Variants in YME1L1 observed in about 807,000 individuals in gnomAD.
YME1L1 encodes the protein ATP-dependent zinc metalloprotease YME1L1.
A neutral mutation model predicts 90.4 loss-of-function variants in YME1L1; 39 were observed. The ratio of observed to expected loss-of-function variants is 0.43; its 90% CI spans 0.33 to 0.56. The LOEUF is 0.56. Among genes scored for constraint, YME1L1 ranks in the 20% least tolerant of loss-of-function variants. The pLI is 0.03. For synonymous variants in YME1L1, 284 were observed against 287.3 expected, an observed-to-expected ratio of 0.99 and a Z score of 0.12; for missense variants, 617 against 868.4, an observed-to-expected ratio of 0.71 and a Z score of 3.64.
At chr10:27,147,494 G>GTA in intron 2 of YME1L1, 1 of 1,613,792 alleles carries the variant, frequency 6.2e-7, no homozygotes, top group South Asian at 1.1e-5. Flanking sequence ...AACCCGCAGT[G>GTA]TACAGGGATT....
intron 2 of YME1L1, chr10:27,147,731 A>G: frequency 6.5e-7 from 1 of 1,543,442 alleles, no homozygotes; most frequent in Non-Finnish European, 8.8e-7. Context: ...TCCTGTCTGT[A>G]ACACCCGTGG....
chr10:27,118,715 T>C (rs1189830411), intron 14 of YME1L1, among the ~76,000 whole-genome samples: 3 of 152,196 alleles, frequency 2.0e-5, no homozygotes, highest in Admixed American at 6.5e-5. Flanking sequence ...TCTATTTCTA[T>C]AAAATAAACT....
At chr10:27,147,491 A>G (rs1333207388) in intron 2 of YME1L1, 2 of 1,613,818 alleles carry the variant, frequency 1.2e-6, no homozygotes, top group Non-Finnish European at 8.5e-7. Context: ...AGAAACCCGC[A>G]GTGTACAGGG....
At chr10:27,147,734 AC>A in intron 2 of YME1L1, 8 of 1,541,106 alleles carry the variant, frequency 5.2e-6, no homozygotes, top group Non-Finnish European at 7.0e-6. Flanking sequence ...TGTCTGTAAC[AC>A]CCGTGGTTTC....
At chr10:27,137,950 T>C (rs1448273507) in intron 4 of YME1L1, among the ~76,000 whole-genome samples, 1 of 152,148 alleles carries the variant, frequency 6.6e-6, no homozygotes, top group South Asian at 2.1e-4. Flanking sequence ...TTTAACTTGA[T>C]TAGAGTTTCA....
chr10:27,143,001 G>A (rs1659613109), intron 3 of YME1L1, among the ~76,000 whole-genome samples: 1 of 152,106 alleles, frequency 6.6e-6, no homozygotes, highest in South Asian at 2.1e-4. Flanking sequence ...ACAGGCGTGA[G>A]CCACTGTGCC....
chr10:27,152,909 T>G (rs2057240402), intron 1 of YME1L1, among the ~76,000 whole-genome samples: 1 of 152,104 alleles, frequency 6.6e-6, no homozygotes, highest in Admixed American at 6.5e-5. Flanking sequence ...AAAATGAAAA[T>G]CTAATCATGT....
At chr10:27,153,887 C>CCGGA (rs2057269487) in intron 1 of YME1L1, among the ~76,000 whole-genome samples, 1 of 152,116 alleles carries the variant, frequency 6.6e-6, no homozygotes, top group Non-Finnish European at 1.5e-5. Context: ...CTGAACAATG[C>CCGGA]CGGACGGATT....
chr10:27,145,643 C>A (rs2057136736), intron 2 of YME1L1, 53 bp from the exon 3 acceptor site: 1 of 1,440,990 alleles, frequency 6.9e-7, no homozygotes, highest in Non-Finnish European at 9.5e-7. Flanking sequence ...AGATATTTAA[C>A]CTAAGGAGTA....
intron 1 of YME1L1, 120 bp from the exon 2 acceptor site, chr10:27,149,160 A>G (rs983918820): frequency 9.4e-5 from 78 of 831,184 alleles, no homozygotes; most frequent in Non-Finnish European, 1.2e-4. Context: ...TCTGTATACT[A>G]AAAACTGTAA....
intron 5 of YME1L1, 130 bp downstream of exon 5, chr10:27,136,146 A>C: frequency 1.4e-6 from 1 of 738,650 alleles, no homozygotes; most frequent in Non-Finnish European, 2.2e-6. Context: ...TACACAGGTT[A>C]CTAATCCCTT....
intron 4 of YME1L1, among the ~76,000 whole-genome samples, chr10:27,137,262 T>C (rs1457325705): frequency 3.3e-5 from 5 of 152,222 alleles, no homozygotes; most frequent in African/African-American, 1.2e-4. Flanking sequence ...CTAGAAATAG[T>C]ACCTAATTTT....
chr10:27,124,361 T>C (rs1057007341), intron 9 of YME1L1, among the ~76,000 whole-genome samples: 1 of 152,198 alleles, frequency 6.6e-6, no homozygotes, highest in Non-Finnish European at 1.5e-5. Flanking sequence ...GGATGTTAAT[T>C]GTACTGTTCT....
At chr10:27,151,970 C>G (rs542425099) in intron 1 of YME1L1, among the ~76,000 whole-genome samples, 2 of 151,922 alleles carry the variant, frequency 1.3e-5, no homozygotes, top group East Asian at 3.9e-4. Context: ...GTCTAAGATA[C>G]GTATCCCTGA....
chr10:27,142,349 TA>T (rs1384222154), intron 4 of YME1L1, 37 bp downstream of exon 4: 3 of 1,175,046 alleles, frequency 2.6e-6, no homozygotes, highest in East Asian at 2.7e-5. Context: ...AGTAAATAAA[TA>T]TTTTTTTTTC....
Position 27,121,402 on chromosome 10 carries a change from G to C in YME1L1, c.1282C>G (p.Pro428Ala). The C allele has an allele frequency of 1.9e-6, 3 of 1,606,298 alleles. No individual in the cohort carries two copies. The South Asian group carries it at 3.3e-5, about 18-fold the overall frequency. Residue 428 changes from proline (P) to alanine (A), a missense_variant, in exon 12 of 19, where the codon CCA becomes GCA. This residue lies in a region of YME1L1 where 93 missense variants were observed against 184.8 expected (regional missense o/e 0.50). Transcript: ENST00000376016. Reference sequence around the variant, plus strand: ...AATACTTACTTATCTAATGCCTCTGGGAAGTTTGTGGCTCCTATTATGATA... The same window carrying C: ...AATACTTACTTATCTAATGCCTCTGCGAAGTTTGTGGCTCCTATTATGATA... ...GVIIIGATNF[P>A]EALDNALIRP... is the part of the protein sequence containing the mutation.
At chr10:27,127,702 G>T (rs1046516364) in intron 8 of YME1L1, among the ~76,000 whole-genome samples, 2 of 152,152 alleles carry the variant, frequency 1.3e-5, no homozygotes, top group Non-Finnish European at 2.9e-5. Context: ...ACAGGAAATT[G>T]TCCCTAGGTT....
chr10:27,128,863 C>A (rs1426935994), intron 8 of YME1L1, among the ~76,000 whole-genome samples: 5 of 151,936 alleles, frequency 3.3e-5, no homozygotes, highest in Non-Finnish European at 7.4e-5. Flanking sequence ...GAGCTAAGAT[C>A]ACACTACTGC....
rs1285786144 is a variant in YME1L1 at position 27,110,787 on chromosome 10, ACATTT to A, written c.*1185_*1189del. The A allele has an allele frequency of 6.6e-6, 1 of 152,250 alleles. No individual in the cohort carries two copies. Among genetic ancestry groups the A allele is most frequent in the African/African-American group, 2.4e-5 (1 of 41,462 alleles). 9.4% of individuals were successfully genotyped at this position (152,250 alleles called of 1,614,324 possible). A position where few individuals can be genotyped will look rare whatever the true frequency, so the allele number is the denominator to read the frequency against. On this transcript the variant is annotated 3_prime_UTR_variant, in exon 19 of 19. Coordinates refer to ENST00000376016, the MANE Select transcript of YME1L1 (RefSeq NM_014263.4). ...TAACAAAATACTGCTTCTCTGAAGT[ACATTT>A]CATTAGGGAGAGTGACAGTAATGCT... is the stretch of plus-strand genomic sequence containing the variant.
Sources: gnomAD v4.1 joint callset for allele counts (sites outside exome capture counted in the v4.1 genomes callset) on GRCh38, gnomAD v4.1.1 for gene constraint, gnomAD v4.1.1 regional missense constraint, MANE v1.5 for transcripts, NCBI Gene and HGNC (gene_info 2026-07-23, HGNC 2026-07-21) for gene names.